Variants in CCNH observed in about 807,000 individuals in gnomAD.
CCNH encodes the protein cyclin H.
CCNH carries 31 observed loss-of-function variants against 41.9 expected under a neutral mutation model. The ratio of observed to expected loss-of-function variants is 0.74; its 90% CI spans 0.56 to 1.00. The LOEUF (loss-of-function observed/expected upper bound fraction) is 1.00. CCNH is among the 50% of genes least tolerant of loss of function. The pLI, the probability that CCNH is intolerant of heterozygous loss-of-function variation, is 0.00. For missense variants in CCNH, 362 were observed against 388.4 expected, an observed-to-expected ratio of 0.93 and a Z score of 0.57; for synonymous variants, 138 against 136.1, an observed-to-expected ratio of 1.01 and a Z score of -0.10.
At chr5:87,386,773 A>G (rs1433625932), downstream of CCNH, 2 of 1,502,124 alleles carry the variant, frequency 1.3e-6, no homozygotes, top group African/African-American at 1.4e-5. Context: ...AACCTAATAG[A>G]TCAAACAGTG....
intron 9 of CCNH, among the ~76,000 whole-genome samples, chr5:87,347,451 A>G (rs922735463): frequency 1.3e-5 from 2 of 152,048 alleles, no homozygotes; most frequent in African/African-American, 4.8e-5. Flanking sequence ...GGCAAACCAC[A>G]TCTTATAAAG....
intron 7 of CCNH, among the ~76,000 whole-genome samples, chr5:87,396,651 A>G (rs532159467): frequency 6.6e-6 from 1 of 152,008 alleles, no homozygotes; most frequent in South Asian, 2.1e-4. Flanking sequence ...AAAGCCAGAA[A>G]ATTGGGCAAA....
chr5:87,405,059 T>C, intron 4 of CCNH, 52 bp from the exon 5 acceptor site: 1 of 1,315,686 alleles, frequency 7.6e-7, no homozygotes, highest in Non-Finnish European at 1.1e-6. Context: ...AAATGGAGTA[T>C]AACAACAGTT....
intron 9 of CCNH, among the ~76,000 whole-genome samples, chr5:87,327,242 T>C (rs1005939846): frequency 5.9e-5 from 9 of 152,216 alleles, no homozygotes; most frequent in Admixed American, 1.3e-4. Context: ...AGAGATAAAG[T>C]AATCTGCCTA....
upstream of CCNH, among the ~76,000 whole-genome samples, chr5:87,380,882 C>T (rs1004650376): frequency 6.6e-6 from 1 of 152,116 alleles, no homozygotes; most frequent in Non-Finnish European, 1.5e-5. Flanking sequence ...CTGTAGCTAA[C>T]TTCATATAGT....
intron 9 of CCNH, among the ~76,000 whole-genome samples, chr5:87,359,635 A>G (rs189115507): frequency 3.0e-4 from 45 of 152,350 alleles, no homozygotes; most frequent in Non-Finnish European, 5.0e-4. Flanking sequence ...TGCCATCACC[A>G]TTGAACTAAA....
chr5:87,373,207 A>G (rs1203027812), downstream of CCNH, among the ~76,000 whole-genome samples: 3 of 152,130 alleles, frequency 2.0e-5, no homozygotes, highest in African/African-American at 4.8e-5. Context: ...AGCCCTTTCT[A>G]TTCATGGGTT....
At chr5:87,362,906 C>CTT (rs879684008) in intron 9 of CCNH, among the ~76,000 whole-genome samples, 1 of 140,092 alleles carries the variant, frequency 7.1e-6, no homozygotes, top group African/African-American at 2.6e-5. Flanking sequence ...TTCTTTCTTT[C>CTT]TTTTTTTTTT....
Position 87,409,382 on chromosome 5 carries a change from A to T in CCNH, c.241-19T>A. The T allele has an allele frequency of 7.5e-7, 1 of 1,334,298 alleles. No individual in the cohort carries two copies. The highest frequency in any genetic ancestry group is 1.8e-5 in the Admixed American group (1 of 55,178). The allele number at this position is 1,334,298 out of a possible 1,614,324, so 82.7% of individuals were successfully genotyped here. A position where few individuals can be genotyped will look rare whatever the true frequency, so the allele number is the denominator to read the frequency against. On this transcript the variant is annotated intron_variant, in intron 2 of 8. Transcript: ENST00000256897. ...CCGTACCCTAAGGGTTAAAAAAAAT[A>T]TATCATCAGGATCTAGTCACAAATG...
downstream of CCNH, among the ~76,000 whole-genome samples, chr5:87,376,047 C>A (rs1219895419): frequency 1.3e-5 from 2 of 152,112 alleles, no homozygotes; most frequent in Non-Finnish European, 2.9e-5. Context: ...CCTCCACAGG[C>A]TGAATTAGAT....
rs189548017 is a variant in CCNH at position 87,329,118 on chromosome 5, C to T, written c.*91-10221G>A. Among the ~76,000 whole-genome samples, 12 of 150,302 alleles carry T rather than the reference C, an allele frequency of 8.0e-5. No individual in the cohort carries two copies. In the East Asian group the frequency reaches 2.0e-3, roughly 26 times the overall value. On this transcript the variant is annotated intron_variant and NMD_transcript_variant, in intron 9 of 9. Coordinates refer to the CCNH transcript ENST00000645953. ...TGTCTTTCTCCTGAACTGACTTATCCATTTTAATGCTCAGATCTTAGAAAG... is the reference window on the plus strand; with the variant it reads ...TGTCTTTCTCCTGAACTGACTTATCTATTTTAATGCTCAGATCTTAGAAAG...
chr5:87,389,621 TG>T, downstream of CCNH: 1 of 1,511,210 alleles, frequency 6.6e-7, no homozygotes, highest in Admixed American at 1.7e-5. Flanking sequence ...ATTTTTATCT[TG>T]TTACATTAAA....
At chr5:87,392,589 A>G, downstream of CCNH, 1 of 286,348 alleles carries the variant, frequency 3.5e-6, no homozygotes, top group Non-Finnish European at 7.0e-6. Flanking sequence ...ATTAGTCAAG[A>G]TATTTTTGCT....
chr5:87,366,717 GTC>G (rs552420786), intron 9 of CCNH, among the ~76,000 whole-genome samples: 2 of 152,162 alleles, frequency 1.3e-5, no homozygotes, highest in Non-Finnish European at 2.9e-5. Flanking sequence ...CTAAACTCAA[GTC>G]TCTCATTTAG....
chr5:87,341,052 T>C (rs1758398881), intron 9 of CCNH, among the ~76,000 whole-genome samples: 1 of 151,954 alleles, frequency 6.6e-6, no homozygotes, highest in Non-Finnish European at 1.5e-5. Flanking sequence ...GACATAATTA[T>C]ATTAGTTGGG....
downstream of CCNH, among the ~76,000 whole-genome samples, chr5:87,372,611 G>C (rs1002521756): frequency 2.6e-5 from 4 of 152,072 alleles, no homozygotes; most frequent in African/African-American, 9.7e-5. Context: ...TTAACTCTTA[G>C]GAAATATTTA....
chr5:87,368,285 T>G (rs1250559932), intron 9 of CCNH, among the ~76,000 whole-genome samples: 1 of 152,180 alleles, frequency 6.6e-6, no homozygotes, highest in Non-Finnish European at 1.5e-5. Flanking sequence ...TTATTACATT[T>G]TTTTCAATTT....
downstream of CCNH, chr5:87,391,344 A>G (rs1424194605): frequency 6.7e-6 from 2 of 299,436 alleles, no homozygotes; most frequent in African/African-American, 4.2e-5. Context: ...CTGATTAGGA[A>G]TATGACCATT....
At chr5:87,336,272 T>C (rs1580293203) in intron 9 of CCNH, among the ~76,000 whole-genome samples, 1 of 152,248 alleles carries the variant, frequency 6.6e-6, no homozygotes, top group East Asian at 1.9e-4. Flanking sequence ...ACATTTGTTT[T>C]AAATTTGAAT....
Sources: allele counts gnomAD v4.1 joint callset (sites outside exome capture counted in the v4.1 genomes callset), GRCh38; gene constraint gnomAD v4.1.1; transcripts MANE v1.5; gene names NCBI Gene and HGNC (gene_info 2026-07-23, HGNC 2026-07-21).